Variants in C1QTNF3 observed in about 807,000 individuals in gnomAD.
C1QTNF3 encodes the protein complement C1q tumor necrosis factor-related protein 3.
In C1QTNF3, 26 loss-of-function variants were observed where a neutral mutation model predicts 32.6. The observed-to-expected ratio is 0.80, with a 90% CI of 0.58 to 1.11. The LOEUF (loss-of-function observed/expected upper bound fraction) is 1.11. Ranked by LOEUF, C1QTNF3 falls within the 50% of genes least tolerant of loss-of-function variation. C1QTNF3 has a pLI of 0.00. For missense variants in C1QTNF3, 362 were observed against 398.2 expected (o/e 0.91, Z 0.77); for synonymous variants, 155 against 146.0 (o/e 1.06, Z -0.44).
chr5:34,234,012 C>T, the C1QTNF3 span, among the ~76,000 whole-genome samples: 643 of 152,154 alleles, frequency 4.2e-3, 3 homozygotes, highest in Admixed American at 3.9e-3. Flanking sequence ...TTAGTACCCA[C>T]AATATAAGTT....
the C1QTNF3 span, among the ~76,000 whole-genome samples, chr5:34,240,432 A>G: frequency 6.6e-6 from 1 of 150,886 alleles, no homozygotes; most frequent in Non-Finnish European, 1.5e-5. Flanking sequence ...GAATGACAAA[A>G]ACGACATTAA....
At chr5:34,225,196 G>A in the C1QTNF3 span, among the ~76,000 whole-genome samples, 1 of 151,874 alleles carries the variant, frequency 6.6e-6, no homozygotes, top group Admixed American at 6.6e-5. Flanking sequence ...TGGAAGAATG[G>A]TTAGGAGGCT....
chr5:34,123,615 A>G, the C1QTNF3 span, among the ~76,000 whole-genome samples: 7 of 113,772 alleles, frequency 6.2e-5, no homozygotes, highest in East Asian at 9.0e-4. Flanking sequence ...ACAGCAGAAC[A>G]GATATGCTTT....
At chr5:34,030,397 A>G (rs1438499273) in intron 3 of C1QTNF3, among the ~76,000 whole-genome samples, 1 of 152,240 alleles carries the variant, frequency 6.6e-6, no homozygotes, top group Non-Finnish European at 1.5e-5. Flanking sequence ...GGGTCCAAAG[A>G]TATGAGATTA....
At chr5:34,205,295 A>G in the C1QTNF3 span, among the ~76,000 whole-genome samples, 1 of 152,232 alleles carries the variant, frequency 6.6e-6, no homozygotes, top group African/African-American at 2.4e-5. Flanking sequence ...AGGTAGTGAC[A>G]TCAGTAAGAA....
At chr5:34,165,288 C>G in the C1QTNF3 span, 1 of 152,174 alleles carries the variant, frequency 6.6e-6, no homozygotes, top group Non-Finnish European at 1.5e-5. Flanking sequence ...AGCTTGCAGA[C>G]AACCTATCCT....
the C1QTNF3 span, chr5:34,165,981 C>T: frequency 2.7e-5 from 4 of 146,522 alleles, no homozygotes; most frequent in Non-Finnish European, 6.0e-5. Context: ...GTCCAATTAG[C>T]AATAATTGTG....
At chr5:34,200,947 T>C in the C1QTNF3 span, 1 of 151,852 alleles carries the variant, frequency 6.6e-6, no homozygotes, top group Non-Finnish European at 1.5e-5. Context: ...AAGACCAATA[T>C]CAAAATCTTT....
chr5:34,163,682 A>G, the C1QTNF3 span, among the ~76,000 whole-genome samples: 1 of 152,088 alleles, frequency 6.6e-6, no homozygotes, highest in African/African-American at 2.4e-5. Context: ...GACTCTCACC[A>G]CATTGATAAA....
chr5:34,153,999 A>G, the C1QTNF3 span, among the ~76,000 whole-genome samples: 1 of 150,780 alleles, frequency 6.6e-6, no homozygotes, highest in South Asian at 2.1e-4. Context: ...TAATCACATA[A>G]TTTTTGAATT....
At chr5:34,054,008 C>G in the C1QTNF3 span, among the ~76,000 whole-genome samples, 1 of 152,144 alleles carries the variant, frequency 6.6e-6, no homozygotes, top group Non-Finnish European at 1.5e-5. Context: ...GAGTGACAAG[C>G]AGAGAAACAG....
the C1QTNF3 span, among the ~76,000 whole-genome samples, chr5:34,052,590 C>G: frequency 6.6e-6 from 1 of 152,204 alleles, no homozygotes; most frequent in Non-Finnish European, 1.5e-5. Flanking sequence ...CTTTCTAAGT[C>G]TCAGTTTCCT....
the C1QTNF3 span, among the ~76,000 whole-genome samples, chr5:34,184,642 A>C: frequency 6.6e-5 from 10 of 151,546 alleles, no homozygotes; most frequent in African/African-American, 2.4e-4. Context: ...TGAACCCGGG[A>C]GGCAGAGGTT....
chr5:34,225,072 T>C, the C1QTNF3 span, among the ~76,000 whole-genome samples: 1 of 152,052 alleles, frequency 6.6e-6, no homozygotes, highest in Admixed American at 6.6e-5. Flanking sequence ...TCACTGGCCA[T>C]CAGAGAAAAA....
the C1QTNF3 span, among the ~76,000 whole-genome samples, chr5:34,120,562 C>A: frequency 6.6e-6 from 1 of 152,142 alleles, no homozygotes; most frequent in Admixed American, 6.5e-5. Context: ...ACAGTTCCCA[C>A]GTGTTGTGGG....
intron 3 of C1QTNF3, 189 bp from the exon 4 acceptor site, chr5:34,029,072 T>C (rs934063220): frequency 6.8e-6 from 3 of 438,528 alleles, no homozygotes; most frequent in Non-Finnish European, 1.2e-5. Flanking sequence ...AGATTGACAA[T>C]GTCTATCAAC....
chr5:34,025,345 C>T (rs1486409621), intron 4 of C1QTNF3, among the ~76,000 whole-genome samples: 1 of 152,168 alleles, frequency 6.6e-6, no homozygotes, highest in Non-Finnish European at 1.5e-5. Context: ...ACTAGTTTTT[C>T]TTACAAAATG....
chr5:34,148,075 G>T, the C1QTNF3 span, among the ~76,000 whole-genome samples: 176 of 151,646 alleles, frequency 1.2e-3, 2 homozygotes, highest in Middle Eastern at 0.01. Flanking sequence ...TTCCCTTTCC[G>T]AGTCAAAGAA....
chr5:34,114,575 A>G, the C1QTNF3 span, among the ~76,000 whole-genome samples: 1 of 152,146 alleles, frequency 6.6e-6, no homozygotes. Context: ...TTATATCCAC[A>G]GAGATGAACT....
Sources: gnomAD v4.1 joint callset for allele counts (sites outside exome capture counted in the v4.1 genomes callset) on GRCh38, gnomAD v4.1.1 for gene constraint, MANE v1.5 for transcripts, NCBI Gene and HGNC (gene_info 2026-07-23, HGNC 2026-07-21) for gene names.